GRIK1: variants seen among roughly 807,000 people sequenced by gnomAD.
GRIK1 encodes the protein glutamate ionotropic receptor kainate type subunit 1, also known as glutamate receptor ionotropic, kainate 1.
Under a neutral mutation model 105.7 loss-of-function variants are expected in GRIK1, and 69 were observed. The ratio of observed to expected loss-of-function variants is 0.65; its 90% CI spans 0.54 to 0.80. GRIK1 has a LOEUF of 0.80. Among genes scored for constraint, GRIK1 ranks in the 30% least tolerant of loss-of-function variants. GRIK1 has a pLI of 0.00. For synonymous variants in GRIK1, 438 were observed against 431.3 expected, an observed-to-expected ratio of 1.02 and a Z score of -0.19; for missense variants, 1,109 against 1,167.3, an observed-to-expected ratio of 0.95 and a Z score of 0.73.
rs2146392726 is a variant in GRIK1 at position 29,939,559 on chromosome 21, A to C, written c.-59T>G. 3.7e-6 allele frequency: 4 copies of C among 1,091,686 alleles called. No homozygotes were observed. Among genetic ancestry groups the C allele is most frequent in the Middle Eastern group, 2.1e-4 (1 of 4,758 alleles). 67.6% of individuals were successfully genotyped at this position (1,091,686 alleles called of 1,614,324 possible). ...CCGCTGCCGGACGCCCGAGAGATGC[A>C]CCCAACTTGGGCCGGGTCCCCGCCT... is the stretch of plus-strand genomic sequence containing the variant. On this transcript the variant is annotated 5_prime_UTR_variant, in exon 1 of 18. Coordinates refer to ENST00000327783, the MANE Select transcript of GRIK1 (RefSeq NM_001330994.2).
intron 3 of GRIK1, among the ~76,000 whole-genome samples, chr21:29,689,063 G>A (rs2146710913): frequency 6.6e-6 from 1 of 151,842 alleles, no homozygotes; most frequent in East Asian, 1.9e-4. Context: ...ATAAAAAGGG[G>A]CCTGAATTTT....
chr21:29,652,694 C>T (rs1031783239), intron 5 of GRIK1, among the ~76,000 whole-genome samples: 2 of 152,162 alleles, frequency 1.3e-5, no homozygotes, highest in African/African-American at 4.8e-5. Flanking sequence ...TAAAATATAT[C>T]ACATTTCAGA....
At chr21:29,537,951 G>A (rs951235091) in intron 16 of GRIK1, 67 bp from the exon 17 acceptor site, 9 of 760,914 alleles carry the variant, frequency 1.2e-5, no homozygotes, top group Non-Finnish European at 2.2e-6. Flanking sequence ...CAGAGATTCT[G>A]GCAGCAGCAA....
intron 16 of GRIK1, among the ~76,000 whole-genome samples, chr21:29,549,760 C>T (rs2090100313): frequency 6.6e-6 from 1 of 152,044 alleles, no homozygotes; most frequent in Admixed American, 6.6e-5. Flanking sequence ...GTGGTCTTAG[C>T]ATCCATTGAC....
chr21:29,574,735 G>T (rs190946301), intron 14 of GRIK1, among the ~76,000 whole-genome samples: 3 of 147,038 alleles, frequency 2.0e-5, no homozygotes, highest in Non-Finnish European at 3.0e-5. Flanking sequence ...TGGCCCAGGC[G>T]GGAGTGCAGT....
At chr21:29,925,779 C>T (rs1396617940) in intron 1 of GRIK1, among the ~76,000 whole-genome samples, 1 of 152,096 alleles carries the variant, frequency 6.6e-6, no homozygotes, top group African/African-American at 2.4e-5. Flanking sequence ...TCTCAAAGTC[C>T]CAAATGGTGG....
chr21:29,539,331 T>C (rs2089933091), intron 16 of GRIK1, among the ~76,000 whole-genome samples: 1 of 152,180 alleles, frequency 6.6e-6, no homozygotes, highest in African/African-American at 2.4e-5. Flanking sequence ...TATACACACA[T>C]GGAACACTTA....
intron 16 of GRIK1, among the ~76,000 whole-genome samples, chr21:29,550,086 C>CGACAG (rs143524530): frequency 0.026 from 2,830 of 109,380 alleles, 94 homozygotes; most frequent in African/African-American, 0.092. Flanking sequence ...CCAGCCTGGG[C>CGACAG]GACAGAGAAA....
chr21:29,607,338 G>T (rs1275143372), intron 7 of GRIK1, among the ~76,000 whole-genome samples: 4 of 150,210 alleles, frequency 2.7e-5, no homozygotes, highest in African/African-American at 7.4e-5. Context: ...TTCCTTTCAA[G>T]ACATGGCTAA....
Position 29,637,045 on chromosome 21 carries a change from G to A in GRIK1, c.1098+5781C>T, listed in dbSNP as rs895055546. 3.3e-5 allele frequency among the ~76,000 whole-genome samples: 5 copies of A among 152,156 alleles called. No individual in the cohort carries two copies. The South Asian group carries it at 8.3e-4, about 25-fold the overall frequency. On this transcript the variant is annotated intron_variant, in intron 7 of 17. Transcript: ENST00000327783. The stretch of plus-strand genomic sequence containing the variant: ...AATTCTACTCTAAAACTCAATTCAG[G>A]CACCTTGAATGTGGGTTTTAGGGAA...
intron 4 of GRIK1, among the ~76,000 whole-genome samples, chr21:29,666,754 A>G (rs1049980749): frequency 2.0e-5 from 3 of 152,266 alleles, no homozygotes; most frequent in South Asian, 2.1e-4. Flanking sequence ...GAATAAAATG[A>G]AACACCTTCG....
At chr21:29,591,629 C>T (rs2061335635) in intron 9 of GRIK1, among the ~76,000 whole-genome samples, 1 of 152,120 alleles carries the variant, frequency 6.6e-6, no homozygotes. Flanking sequence ...AGAGTTTCTT[C>T]CCTTGTGGAG....
In GRIK1 at chr21:29,537,803, C is replaced by G; in HGVS notation, c.2689G>C (p.Glu897Gln). Residue 897 changes from glutamate (E) to glutamine (Q), a missense_variant, in exon 17 of 18, where the codon GAG becomes CAG. Physicochemically the swap from Glu to Gln is conservative, Grantham distance 29 (BLOSUM62 2). This residue lies in a region of GRIK1 where 161 missense variants were observed against 143.4 expected (regional missense o/e 1.12). Transcript: ENST00000327783. ...GCTATAGAAAATGAACAAACCTTCT[C>G]TACACCAAGGCTTTGTTTTTTTCTC... ...HGRKKQSLGV[E>Q]KCLSFNAIME... The G allele has an allele frequency of 1.3e-6, 2 of 1,482,424 alleles. No individual in the cohort carries two copies. The highest frequency in any genetic ancestry group is 1.9e-6 in the Non-Finnish European group (2 of 1,061,114). 91.8% of individuals were successfully genotyped at this position (1,482,424 alleles called of 1,614,324 possible). A position where few individuals can be genotyped will look rare whatever the true frequency, so the allele number is the denominator to read the frequency against.
intron 7 of GRIK1, among the ~76,000 whole-genome samples, chr21:29,605,807 G>A (rs1389150645): frequency 6.6e-6 from 1 of 152,044 alleles, no homozygotes; most frequent in Non-Finnish European, 1.5e-5. Context: ...ATTGTCCTTT[G>A]CCATACTGAA....
chr21:29,821,937 A>C (rs1402322231), intron 1 of GRIK1, among the ~76,000 whole-genome samples: 1 of 152,010 alleles, frequency 6.6e-6, no homozygotes, highest in African/African-American at 2.4e-5. Flanking sequence ...CCAAATTCTC[A>C]CAAATCTCCA....
intron 14 of GRIK1, among the ~76,000 whole-genome samples, chr21:29,574,788 C>T (rs1227582313): frequency 1.3e-5 from 2 of 149,862 alleles, no homozygotes; most frequent in Non-Finnish European, 3.0e-5. Context: ...CCCGGGTTCA[C>T]GCCATTCTCC....
intron 15 of GRIK1, among the ~76,000 whole-genome samples, chr21:29,560,561 T>TTTCTTTCTTTCC (rs2090446865): frequency 7.8e-6 from 1 of 127,528 alleles, no homozygotes; most frequent in Non-Finnish European, 1.6e-5. Flanking sequence ...TCTTTCTTTC[T>TTTCTTTCTTTCC]TTCTTTCTTT....
intron 1 of GRIK1, among the ~76,000 whole-genome samples, chr21:29,889,388 A>G (rs192752267): frequency 2.7e-3 from 412 of 152,232 alleles, no homozygotes; most frequent in Non-Finnish European, 4.3e-3. Context: ...GTCAAGAGTA[A>G]ATACTCCTAC....
chr21:29,608,508 TC>T (rs2146360310), intron 7 of GRIK1, among the ~76,000 whole-genome samples: 1 of 152,280 alleles, frequency 6.6e-6, no homozygotes, highest in African/African-American at 2.4e-5. Flanking sequence ...GTTTTGTGAA[TC>T]TTTTTTTCTG....
Sources: allele counts gnomAD v4.1 joint callset (sites outside exome capture counted in the v4.1 genomes callset), GRCh38; gene constraint gnomAD v4.1.1; regional missense constraint gnomAD v4.1.1; transcripts MANE v1.5; gene names NCBI Gene and HGNC (gene_info 2026-07-23, HGNC 2026-07-21).